HERC3: variants seen among roughly 807,000 people sequenced by gnomAD.
HERC3 encodes probable E3 ubiquitin-protein ligase HERC3.
A neutral mutation model predicts 129.9 loss-of-function variants in HERC3; 58 were observed. The ratio of observed to expected loss-of-function variants is 0.45; its 90% CI spans 0.36 to 0.56. HERC3 has a LOEUF of 0.56. Ranked by LOEUF, HERC3 falls within the 20% of genes least tolerant of loss-of-function variation. HERC3 has a pLI of 0.00. For synonymous variants in HERC3, 430 were observed against 451.0 expected (o/e 0.95, Z 0.59); for missense variants, 835 against 1,244.2 (o/e 0.67, Z 4.95).
chr4:88,697,065 A>G (rs1405122560), intron 23 of HERC3: 1 of 762,226 alleles, frequency 1.3e-6, no homozygotes, highest in African/African-American at 1.8e-5. Context: ...CTTTAATTTA[A>G]TCTATTTTAG....
intron 3 of HERC3, among the ~76,000 whole-genome samples, chr4:88,614,638 G>C (rs990345388): frequency 2.0e-5 from 3 of 152,142 alleles, no homozygotes; most frequent in Non-Finnish European, 2.9e-5. Context: ...CAAATAAAAA[G>C]CACACATGAT....
the HERC3 span, among the ~76,000 whole-genome samples, chr4:88,559,959 G>T: frequency 3.9e-5 from 5 of 129,624 alleles, no homozygotes; most frequent in Non-Finnish European, 6.1e-5. Flanking sequence ...TGTTATTTTT[G>T]ATTTTTTTTT....
At chr4:88,557,811 C>T in the HERC3 span, among the ~76,000 whole-genome samples, 1 of 152,028 alleles carries the variant, frequency 6.6e-6, no homozygotes, top group Admixed American at 6.6e-5. Context: ...AATCCCAGCA[C>T]TTTGGGAGGC....
intron 23 of HERC3, among the ~76,000 whole-genome samples, chr4:88,695,000 T>A (rs964688260): frequency 1.3e-5 from 2 of 152,196 alleles, no homozygotes; most frequent in South Asian, 4.1e-4. Context: ...TCCCAATACT[T>A]ATGCCTCTTA....
intron 21 of HERC3, 134 bp from the exon 22 acceptor site, chr4:88,686,602 C>A: frequency 1.7e-6 from 1 of 592,470 alleles, no homozygotes; most frequent in African/African-American, 1.9e-5. Flanking sequence ...TCTGTCCGTC[C>A]GGATTTATGT....
intron 2 of HERC3, among the ~76,000 whole-genome samples, chr4:88,605,180 T>C (rs1356094446): frequency 6.6e-6 from 1 of 152,194 alleles, no homozygotes; most frequent in Non-Finnish European, 1.5e-5. Context: ...GCAGGCTGAC[T>C]TGTCGCTGCA....
chr4:88,576,482 T>C, the HERC3 span, among the ~76,000 whole-genome samples: 1 of 152,186 alleles, frequency 6.6e-6, no homozygotes, highest in Non-Finnish European at 1.5e-5. Context: ...GACAAGCTCT[T>C]TCCAGCCTCA....
rs1729447300 is a variant in HERC3, at chr4:88,652,899, G to A, written c.494G>A (p.Ser165Asn). Residue 165 changes from serine (S) to asparagine (N), a missense_variant, in exon 6 of 26, where the codon AGC becomes AAC. By Grantham distance (46) the Ser-to-Asn change is conservative (BLOSUM62 1). Transcript: ENST00000402738. ...CAGTTCTTCACCTGGGGAAAGAACAGCCATGGGCAGCTTGGCTTAGGGAAG... is the reference window on the plus strand; with the variant it reads ...CAGTTCTTCACCTGGGGAAAGAACAACCATGGGCAGCTTGGCTTAGGGAAG... ...DGQFFTWGKN[S>N]HGQLGLGKEF... is the part of the protein sequence containing the mutation. The A allele has an allele frequency of 6.2e-7, 1 of 1,613,264 alleles. No homozygotes were observed. The highest frequency in any genetic ancestry group is 8.5e-7 in the Non-Finnish European group (1 of 1,179,762).
chr4:88,687,071 A>T, intron 22 of HERC3, 146 bp from the exon 23 acceptor site: 1 of 662,928 alleles, frequency 1.5e-6, no homozygotes. Flanking sequence ...ATGTTTTCTG[A>T]CTCAAGTTCT....
the HERC3 span, among the ~76,000 whole-genome samples, chr4:88,543,102 A>G: frequency 2.0e-5 from 3 of 152,202 alleles, no homozygotes; most frequent in Non-Finnish European, 1.5e-5. Flanking sequence ...ATTAGGCAAG[A>G]GAAAGAAATA....
chr4:88,533,663 T>A, the HERC3 span, among the ~76,000 whole-genome samples: 1 of 152,226 alleles, frequency 6.6e-6, no homozygotes, highest in Admixed American at 6.5e-5. Context: ...TTTCTTACAA[T>A]TTGTTTCTTC....
At chr4:88,668,965 G>A (rs1226968264) in intron 14 of HERC3, among the ~76,000 whole-genome samples, 2 of 152,168 alleles carry the variant, frequency 1.3e-5, no homozygotes, top group African/African-American at 4.8e-5. Flanking sequence ...TCTAGTTGAT[G>A]TGAAACAGAG....
At chr4:88,651,126 A>G (rs1729229097) in intron 4 of HERC3, among the ~76,000 whole-genome samples, 1 of 152,208 alleles carries the variant, frequency 6.6e-6, no homozygotes, top group South Asian at 2.1e-4. Flanking sequence ...TGTGTGTAAT[A>G]CTAGGGAAAA....
At chr4:88,540,756 A>T in the HERC3 span, among the ~76,000 whole-genome samples, 1 of 152,202 alleles carries the variant, frequency 6.6e-6, no homozygotes, top group Admixed American at 6.5e-5. Context: ...CTCGGCAGAA[A>T]CTCTATAAGC....
At chr4:88,553,850 A>G in the HERC3 span, among the ~76,000 whole-genome samples, 3 of 152,174 alleles carry the variant, frequency 2.0e-5, no homozygotes, top group Non-Finnish European at 2.9e-5. Flanking sequence ...TAATTTCTAT[A>G]CTAAAGTTCA....
intron 3 of HERC3, among the ~76,000 whole-genome samples, chr4:88,639,782 A>G (rs560736636): frequency 7.9e-5 from 12 of 151,498 alleles, no homozygotes; most frequent in African/African-American, 2.9e-4. Flanking sequence ...AAAGAAACTC[A>G]TGAGTGAACA....
intron 10 of HERC3, among the ~76,000 whole-genome samples, chr4:88,659,401 T>A (rs1323284117): frequency 6.6e-6 from 1 of 152,254 alleles, no homozygotes; most frequent in African/African-American, 2.4e-5. Context: ...TATCTTTAAG[T>A]ACACAAAGTA....
intron 3 of HERC3, among the ~76,000 whole-genome samples, chr4:88,624,176 AT>A (rs1578189617): frequency 6.6e-6 from 1 of 152,312 alleles, no homozygotes; most frequent in East Asian, 1.9e-4. Context: ...GTTCATGGAC[AT>A]TTGAGTATTT....
At chr4:88,703,978 C>T (rs1735549299) in intron 23 of HERC3, 120 bp from the exon 24 acceptor site, 1 of 915,486 alleles carries the variant, frequency 1.1e-6, no homozygotes, top group African/African-American at 1.7e-5. Flanking sequence ...TAGGATGCCT[C>T]CTGATTTGAG....
Sources: gnomAD v4.1 joint callset for allele counts (sites outside exome capture counted in the v4.1 genomes callset) on GRCh38, gnomAD v4.1.1 for gene constraint, MANE v1.5 for transcripts, NCBI Gene and HGNC (gene_info 2026-07-23, HGNC 2026-07-21) for gene names.